Variants in C4orf36 observed in about 807,000 individuals in gnomAD.
C4orf36 encodes uncharacterized protein C4orf36.
A neutral mutation model predicts 12.2 loss-of-function variants in C4orf36; 11 were observed. The ratio of observed to expected loss-of-function variants is 0.90; its 90% CI spans 0.57 to 1.49. The LOEUF (loss-of-function observed/expected upper bound fraction) is 1.49. Among genes scored for constraint, C4orf36 ranks in the 40% most tolerant of loss-of-function variants. The pLI is 0.00. For missense variants in C4orf36, 137 were observed against 133.9 expected (o/e 1.02, Z -0.11); for synonymous variants, 54 against 51.3 (o/e 1.05, Z -0.22).
chr4:86,885,537 C>T (rs1334551583), intron 4 of C4orf36, among the ~76,000 whole-genome samples: 1 of 152,086 alleles, frequency 6.6e-6, no homozygotes, highest in African/African-American at 2.4e-5. Flanking sequence ...GTGATTTTTG[C>T]ACATTGATTT....
the C4orf36 span, among the ~76,000 whole-genome samples, chr4:86,915,343 G>A: frequency 1.3e-5 from 2 of 152,184 alleles, no homozygotes; most frequent in Admixed American, 1.3e-4. Flanking sequence ...ATCCCCTTAG[G>A]TTCTGACTCT....
chr4:86,928,456 G>C, the C4orf36 span, among the ~76,000 whole-genome samples: 102 of 152,270 alleles, frequency 6.7e-4, no homozygotes, highest in African/African-American at 2.3e-3. Flanking sequence ...AACCCACCCA[G>C]AAGCCAGTTT....
chr4:86,915,352 C>G, the C4orf36 span, among the ~76,000 whole-genome samples: 869 of 152,326 alleles, frequency 5.7e-3, 13 homozygotes, highest in African/African-American at 0.02. Flanking sequence ...GGTTCTGACT[C>G]TTCACATCAG....
chr4:86,887,516 G>A (rs1329426362), intron 4 of C4orf36: 4 of 388,270 alleles, frequency 1.0e-5, no homozygotes, highest in Non-Finnish European at 1.8e-5. Context: ...TAGCACAAAC[G>A]ACTCAACTCC....
chr4:86,891,453 T>TATA lies in C4orf36; in HGVS notation c.65+2_65+3insTAT. On this transcript the variant is annotated splice_region_variant and intron_variant, in intron 2 of 4. Coordinates refer to ENST00000295898, the MANE Select transcript of C4orf36 (RefSeq NM_144645.4). ...TGATTTAAAAAAAAAAAATAGTACTTACACATTATAACAACTGCCCCGCAA... is the reference window on the plus strand; with the variant it reads ...TGATTTAAAAAAAAAAAATAGTACTTATAACACATTATAACAACTGCCCCGCAA... The TATA allele has an allele frequency of 6.2e-7, 1 of 1,613,070 alleles. No homozygotes were observed. Among genetic ancestry groups the TATA allele is most frequent in the South Asian group, 1.1e-5 (1 of 91,024 alleles).
chr4:86,904,361 C>T, the C4orf36 span, among the ~76,000 whole-genome samples: 1 of 152,224 alleles, frequency 6.6e-6, no homozygotes, highest in African/African-American at 2.4e-5. Flanking sequence ...GCCCTCATAG[C>T]GCAGCGGCGG....
upstream of C4orf36, among the ~76,000 whole-genome samples, chr4:86,894,144 A>T (rs564874477): frequency 8.5e-4 from 130 of 152,124 alleles, 1 homozygote; most frequent in African/African-American, 3.0e-3. Flanking sequence ...TGATCCGCCC[A>T]CCTCGGCCTC....
At chr4:86,891,657 G>GAA in intron 1 of C4orf36, 64 bp from the exon 2 acceptor site, 14 of 1,396,186 alleles carry the variant, frequency 1.0e-5, no homozygotes, top group South Asian at 1.5e-5. Flanking sequence ...CCAAATAATA[G>GAA]AAAAAAATTC....
the C4orf36 span, among the ~76,000 whole-genome samples, chr4:86,897,649 G>A: frequency 6.6e-6 from 1 of 152,198 alleles, no homozygotes; most frequent in Non-Finnish European, 1.5e-5. Context: ...AATGGCTGCA[G>A]CTAGTGGTAG....
the C4orf36 span, chr4:86,914,829 T>C: frequency 8.9e-6 from 4 of 451,682 alleles, no homozygotes; most frequent in Non-Finnish European, 1.7e-5. Context: ...TTCTTAGTGT[T>C]TTCAAAGGAG....
intron 4 of C4orf36, among the ~76,000 whole-genome samples, chr4:86,881,208 T>A (rs950264607): frequency 1.3e-5 from 2 of 152,200 alleles, no homozygotes; most frequent in African/African-American, 4.8e-5. Flanking sequence ...ATGTAATTTC[T>A]GACATCAATA....
chr4:86,910,242 G>A, the C4orf36 span, among the ~76,000 whole-genome samples: 13 of 151,878 alleles, frequency 8.6e-5, no homozygotes, highest in Non-Finnish European at 1.2e-4. Context: ...AGGAGTTTGC[G>A]TCTCTACTAA....
chr4:86,908,804 A>C, the C4orf36 span, among the ~76,000 whole-genome samples: 3 of 152,164 alleles, frequency 2.0e-5, no homozygotes, highest in Admixed American at 2.0e-4. Flanking sequence ...CAGGGTCTGA[A>C]TTCTCAGACG....
At chr4:86,890,166 GA>G (rs747651833) in intron 2 of C4orf36, 5 of 358,976 alleles carry the variant, frequency 1.4e-5, no homozygotes, top group South Asian at 9.1e-5. Flanking sequence ...ACCCTGTCAG[GA>G]AAGAAGGAAA....
chr4:86,917,234 C>T, the C4orf36 span, among the ~76,000 whole-genome samples: 22,945 of 151,872 alleles, frequency 0.15, 2,069 homozygotes, highest in East Asian at 0.29. Flanking sequence ...GAGCTATGAT[C>T]ATGCCACTTC....
Position 86,888,147 on chromosome 4 carries a change from T to C in C4orf36, c.194A>G (p.Lys65Arg). 1 of 1,613,966 alleles carries C rather than the reference T, an allele frequency of 6.2e-7. No homozygotes were observed. Among genetic ancestry groups the C allele is most frequent in the Non-Finnish European group, 8.5e-7 (1 of 1,179,978 alleles). ...SVQLTKCTTI[K>R]DGLLPSAESI... ...TTCTGCAGAAGGGAGCAGTCCATCT[T>C]TAATGGTGGTACATTTTGTGAGCTG... The change falls in exon 3 of 5, where the codon AAA becomes AGA. Residue 65 changes from lysine to arginine, a missense_variant. Physicochemically the swap from Lys to Arg is conservative, Grantham distance 26. Coordinates refer to ENST00000295898, the MANE Select transcript of C4orf36 (RefSeq NM_144645.4).
the C4orf36 span, among the ~76,000 whole-genome samples, chr4:86,901,685 A>G: frequency 6.6e-6 from 1 of 152,190 alleles, no homozygotes; most frequent in African/African-American, 2.4e-5. Flanking sequence ...TGCTGGGATT[A>G]CAGGCGTGAG....
the C4orf36 span, among the ~76,000 whole-genome samples, chr4:86,898,624 A>G: frequency 1.3e-5 from 2 of 152,172 alleles, no homozygotes; most frequent in African/African-American, 4.8e-5. Flanking sequence ...ATCTCTAATT[A>G]TAAATATTAT....
At position 86,892,182 on chromosome 4, in the gene C4orf36, C is replaced by T. The variant is rs1016191355; in HGVS notation, c.-74+1G>A. 4 of 985,476 alleles carry T rather than the reference C, an allele frequency of 4.1e-6. No homozygotes were observed. Among genetic ancestry groups the T allele is most frequent in the Non-Finnish European group, 4.8e-6 (4 of 830,064 alleles). The allele number at this position is 985,476 out of a possible 1,614,324, so 61.0% of individuals were successfully genotyped here. A position where few individuals can be genotyped will look rare whatever the true frequency, so the allele number is the denominator to read the frequency against. On this transcript the variant is annotated splice_donor_variant, in intron 1 of 4. Transcript: ENST00000295898. LOFTEE classifies it low-confidence loss of function (5UTR_SPLICE). ...GCCTCAGCCTCGGCTCCTTCCCACA[C>T]CTGGGCCCCACCCTGCCTCCGACTC... is the stretch of plus-strand genomic sequence containing the variant.
Sources: allele counts gnomAD v4.1 joint callset (sites outside exome capture counted in the v4.1 genomes callset), GRCh38; gene constraint gnomAD v4.1.1; transcripts MANE v1.5; gene names NCBI Gene and HGNC (gene_info 2026-07-23, HGNC 2026-07-21).